Variants in DEFB107A observed in about 807,000 individuals in gnomAD.
DEFB107A encodes beta-defensin 107.
chr8:7,814,951 A>T (rs1817179743), intron 1 of DEFB107A, among the ~76,000 whole-genome samples: 1 of 72,104 alleles, frequency 1.4e-5, no homozygotes, highest in Non-Finnish European at 2.6e-5. Context: ...TAAAGAAATC[A>T]CTTTAGAATA....
intron 1 of DEFB107A, among the ~76,000 whole-genome samples, chr8:7,812,566 G>A (rs76485122): frequency 0.07 from 9,236 of 131,478 alleles, 312 homozygotes; most frequent in African/African-American, 0.21. Flanking sequence ...TTAGGTTGAA[G>A]AGGAAAAAAT....
chr8:7,813,851 T>C (rs1817152666), intron 1 of DEFB107A, among the ~76,000 whole-genome samples: 1 of 150,714 alleles, frequency 6.6e-6, no homozygotes, highest in Admixed American at 6.6e-5. Context: ...GGCATCCACA[T>C]CTATAGACTG....
At chr8:7,814,922 T>C (rs1157263163) in intron 1 of DEFB107A, among the ~76,000 whole-genome samples, 14 of 97,718 alleles carry the variant, frequency 1.4e-4, no homozygotes, top group East Asian at 3.0e-4. Context: ...TTCTTTCTTT[T>C]TTTTTTTTTT....
At chr8:7,812,988 C>A (rs1296774801) in intron 1 of DEFB107A, among the ~76,000 whole-genome samples, 1 of 151,518 alleles carries the variant, frequency 6.6e-6, no homozygotes, top group Non-Finnish European at 1.5e-5. Flanking sequence ...GTGTTCAATA[C>A]TGAATCAGGG....
chr8:7,814,838 T>C (rs1191642274), intron 1 of DEFB107A, among the ~76,000 whole-genome samples: 1 of 60,160 alleles, frequency 1.7e-5, no homozygotes, highest in African/African-American at 6.7e-5. Context: ...AACATAACTT[T>C]AGTTTAATTT....
rs1253331651 is a variant in DEFB107A, at chr8:7,812,506, C to A, written c.71-556G>T. Among the ~76,000 whole-genome samples, 30 of 132,596 alleles carry A rather than the reference C, an allele frequency of 2.3e-4. 2 individuals are homozygous for A. Among genetic ancestry groups the A allele is most frequent in the Non-Finnish European group, 4.9e-4 (29 of 59,156 alleles). 87.0% of individuals were successfully genotyped at this position (132,596 alleles called of 152,430 possible). ...AATGGAATCGTGTATTTAGCTCTGG[C>A]AAGCAAATTTAGAGAGACACAGGCA... On this transcript the variant is annotated intron_variant, in intron 1 of 1. Coordinates refer to ENST00000335021, the MANE Select transcript of DEFB107A (RefSeq NM_001037668.1).
chr8:7,815,238 A>T (rs1585683209), intron 1 of DEFB107A, among the ~76,000 whole-genome samples: 3 of 64,904 alleles, frequency 4.6e-5, no homozygotes, highest in East Asian at 1.0e-3. Flanking sequence ...ACAGCGCGAG[A>T]CTCCGTCTCA....
rs543362488 is a variant in DEFB107A at position 7,813,555 on chromosome 8, G to A, written c.71-1605C>T. Among the ~76,000 whole-genome samples the A allele has an allele frequency of 7.2e-5, 11 of 152,024 alleles. No homozygotes were observed. The East Asian group carries it at 2.1e-3, about 29-fold the overall frequency. Reference sequence around the variant, plus strand: ...AGTTAGTTTCTAATTAATATAACAAGTTTATTCATCTTCAAAACAATGCTA... The same window carrying A: ...AGTTAGTTTCTAATTAATATAACAAATTTATTCATCTTCAAAACAATGCTA... On this transcript the variant is annotated intron_variant, in intron 1 of 1. Transcript: ENST00000335021.
Position 7,814,315 on chromosome 8 carries a change from G to T in DEFB107A, c.70+1244C>A, listed in dbSNP as rs190972690. On this transcript the variant is annotated intron_variant, in intron 1 of 1. Coordinates refer to ENST00000335021, the MANE Select transcript of DEFB107A (RefSeq NM_001037668.1). ...AACCTATTTTCGAACAACACAGAAG[G>T]AATAGACTAATAACTTCAAGCAAAT... 1.4e-3 allele frequency among the ~76,000 whole-genome samples: 119 copies of T among 82,324 alleles called. 6 individuals are homozygous for T. Among genetic ancestry groups the T allele is most frequent in the African/African-American group, 4.2e-3 (117 of 27,842 alleles). The allele number at this position is 82,324 out of a possible 152,430, so 54.0% of individuals were successfully genotyped here. A position where few individuals can be genotyped will look rare whatever the true frequency, so the allele number is the denominator to read the frequency against.
intron 1 of DEFB107A, among the ~76,000 whole-genome samples, chr8:7,815,296 A>T (rs1817193176): frequency 4.8e-4 from 2 of 4,200 alleles, no homozygotes; most frequent in Non-Finnish European, 0.11. Context: ...TGCGTTGCAG[A>T]TTACAAAGGA....
At chr8:7,813,270 T>C (rs56348606) in intron 1 of DEFB107A, among the ~76,000 whole-genome samples, 12,061 of 109,566 alleles carry the variant, frequency 0.11, 44 homozygotes, top group Middle Eastern at 0.24. Context: ...AGTGGAATGA[T>C]GTGAGCTGCT....
At chr8:7,813,035 A>G (rs1230423568) in intron 1 of DEFB107A, among the ~76,000 whole-genome samples, 3 of 150,872 alleles carry the variant, frequency 2.0e-5, no homozygotes, top group African/African-American at 7.3e-5. Flanking sequence ...ACAAATGACC[A>G]ACAATGGTAA....
chr8:7,814,955 T>A (rs1216494540), intron 1 of DEFB107A, among the ~76,000 whole-genome samples: 1 of 73,876 alleles, frequency 1.4e-5, no homozygotes, highest in Admixed American at 1.8e-4. Flanking sequence ...GAAATCACTT[T>A]AGAATATGCT....
At chr8:7,813,801 A>G (rs1817150050) in intron 1 of DEFB107A, among the ~76,000 whole-genome samples, 1 of 151,650 alleles carries the variant, frequency 6.6e-6, no homozygotes, top group Non-Finnish European at 1.5e-5. Context: ...ATTGTAATTC[A>G]AATACATCTG....
intron 1 of DEFB107A, among the ~76,000 whole-genome samples, chr8:7,812,932 C>CAT (rs1817118449): frequency 7.1e-6 from 1 of 140,552 alleles, no homozygotes; most frequent in South Asian, 2.4e-4. Flanking sequence ...CACGCACACA[C>CAT]ATACACACAC....
At chr8:7,813,032 A>T (rs1311174695) in intron 1 of DEFB107A, among the ~76,000 whole-genome samples, 400 of 150,360 alleles carry the variant, frequency 2.7e-3, no homozygotes, top group Non-Finnish European at 3.8e-4. Context: ...AGAACAAATG[A>T]CCAACAATGG....
At chr8:7,815,263 A>G (rs1817191820) in intron 1 of DEFB107A, among the ~76,000 whole-genome samples, 1 of 11,912 alleles carries the variant, frequency 8.4e-5, no homozygotes, top group Non-Finnish European at 1.4e-3. Context: ...AAAAAAAAAA[A>G]AAAAAAAAGA....
chr8:7,812,919 A>T (rs1288861433), intron 1 of DEFB107A, among the ~76,000 whole-genome samples: 1 of 134,506 alleles, frequency 7.4e-6, no homozygotes, highest in African/African-American at 2.6e-5. Flanking sequence ...GTTGAGACAC[A>T]CACACGCACA....
chr8:7,813,455 G>C (rs1258627896), intron 1 of DEFB107A, among the ~76,000 whole-genome samples: 1 of 149,914 alleles, frequency 6.7e-6, no homozygotes, highest in Non-Finnish European at 1.5e-5. Context: ...AGCTATTTTT[G>C]GACTTTTACA....
Sources: allele counts gnomAD v4.1 joint callset (sites outside exome capture counted in the v4.1 genomes callset), GRCh38; gene constraint gnomAD v4.1.1; transcripts MANE v1.5; gene names NCBI Gene and HGNC (gene_info 2026-07-23, HGNC 2026-07-21).